Variants in TSHZ1 observed in about 807,000 individuals in gnomAD.
TSHZ1 encodes the protein teashirt zinc finger homeobox 1.
A neutral mutation model predicts 67.1 loss-of-function variants in TSHZ1; 12 were observed. The observed-to-expected ratio is 0.18, with a 90% CI of 0.11 to 0.29. The LOEUF is 0.29. Ranked by LOEUF, TSHZ1 falls within the 10% of genes least tolerant of loss-of-function variation. The pLI is 1.00. For synonymous variants in TSHZ1, 632 were observed against 622.4 expected (o/e 1.02, Z -0.23); for missense variants, 1,305 against 1,413.9 (o/e 0.92, Z 1.23).
chr18:75,213,047 A>G (rs905420805), intron 1 of TSHZ1, among the ~76,000 whole-genome samples: 1 of 152,266 alleles, frequency 6.6e-6, no homozygotes, highest in African/African-American at 2.4e-5. Context: ...CTGTTGCAGT[A>G]CAGAATAGAA....
In TSHZ1 at chr18:75,286,410, G is replaced by T. The variant is rs1261433402; in HGVS notation, c.1003G>T (p.Val335Leu). 6.2e-7 allele frequency: 1 copy of T among 1,614,044 alleles called. No homozygotes were observed. The highest frequency in any genetic ancestry group is 8.5e-7 in the Non-Finnish European group (1 of 1,180,040). Residue 335 changes from valine to leucine, a missense_variant, in exon 2 of 2, where the codon GTG becomes TTG. By Grantham distance (32) the Val-to-Leu change is conservative (BLOSUM62 1). Around this residue, in one of 3 missense-constraint regions of TSHZ1, gnomAD observed 38 missense variants for 76.5 expected, o/e 0.50. Transcript: ENST00000580243. This position sits in a 1 kb window ranked among gnomAD's most constrained non-coding sequence, Gnocchi z 5.1. ...HMIKTKHYQK[V>L]PLKEPVPAIT... ...GATCAAAACCAAGCATTACCAGAAA[G>T]TGCCTCTGAAGGAGCCAGTGCCAGC...
intron 1 of TSHZ1, among the ~76,000 whole-genome samples, chr18:75,265,715 T>A (rs1045062789): frequency 2.0e-5 from 3 of 152,220 alleles, no homozygotes; most frequent in African/African-American, 7.2e-5. Context: ...CTCCCCCATC[T>A]CATTCCCTCT....
chr18:75,263,883 A>G (rs1453161850), intron 1 of TSHZ1, among the ~76,000 whole-genome samples: 2 of 152,250 alleles, frequency 1.3e-5, no homozygotes, highest in Non-Finnish European at 2.9e-5. Flanking sequence ...CTGTTGATTT[A>G]TACCATGATG....
chr18:75,271,201 A>G (rs2023552576), intron 1 of TSHZ1, among the ~76,000 whole-genome samples: 1 of 152,130 alleles, frequency 6.6e-6, no homozygotes, highest in Admixed American at 6.5e-5. Context: ...ATAGGAGAAA[A>G]TATCCTTAGA....
At position 75,287,511 on chromosome 18, in the gene TSHZ1, G is replaced by A. The variant is rs751601396; in HGVS notation, c.2104G>A (p.Ala702Thr). Reference protein sequence around the residue: ...KKGPEAETGKAKKEGPLDVHT... With the variant: ...KKGPEAETGKTKKEGPLDVHT... ...GGGCCCTGAGGCCGAGACTGGGAAGGCCAAAAAGGAGGGACCGCTGGACGT... is the reference window on the plus strand; with the variant it reads ...GGGCCCTGAGGCCGAGACTGGGAAGACCAAAAAGGAGGGACCGCTGGACGT... The change falls in exon 2 of 2, where the codon GCC (alanine) becomes ACC (threonine). Residue 702 changes from alanine to threonine, a missense_variant. By Grantham distance (58) the Ala-to-Thr change is moderately conservative. Around this residue, in one of 3 missense-constraint regions of TSHZ1, gnomAD observed 909 missense variants for 961.8 expected, o/e 0.95. Transcript: ENST00000580243. The surrounding 1 kb of genome is among the most constrained non-coding windows in gnomAD (Gnocchi z 5.0). 1.9e-6 allele frequency: 3 copies of A among 1,614,214 alleles called. No individual in the cohort carries two copies. Among genetic ancestry groups the A allele is most frequent in the Admixed American group, 3.3e-5 (2 of 60,036 alleles).
At chr18:75,268,389 A>G (rs990263954) in intron 1 of TSHZ1, among the ~76,000 whole-genome samples, 1 of 152,228 alleles carries the variant, frequency 6.6e-6, no homozygotes, top group Non-Finnish European at 1.5e-5. Flanking sequence ...GACTTCTCCA[A>G]GTTTCTGCCA....
intron 1 of TSHZ1, among the ~76,000 whole-genome samples, chr18:75,247,762 GAGA>G (rs905740480): frequency 6.6e-5 from 10 of 152,102 alleles, no homozygotes; most frequent in African/African-American, 1.4e-4. Context: ...ACCCACAGCA[GAGA>G]AGCACAGCTT....
chr18:75,250,761 A>G (rs1281295803), intron 1 of TSHZ1, among the ~76,000 whole-genome samples: 6 of 152,226 alleles, frequency 3.9e-5, no homozygotes, highest in Non-Finnish European at 7.3e-5. Context: ...GCCACAGGTC[A>G]CCCAGAGCGG....
intron 1 of TSHZ1, among the ~76,000 whole-genome samples, chr18:75,277,792 A>C (rs1368992059): frequency 6.6e-6 from 1 of 152,186 alleles, no homozygotes; most frequent in African/African-American, 2.4e-5. Flanking sequence ...AGACCGCAGC[A>C]GCTGACAAGC....
intron 1 of TSHZ1, among the ~76,000 whole-genome samples, chr18:75,268,369 C>T (rs1004036255): frequency 1.3e-5 from 2 of 152,190 alleles, no homozygotes; most frequent in East Asian, 1.9e-4. Context: ...GCCAGAGTGT[C>T]GCTTTATGAG....
At chr18:75,219,830 C>A (rs937984577) in intron 1 of TSHZ1, among the ~76,000 whole-genome samples, 1 of 152,242 alleles carries the variant, frequency 6.6e-6, no homozygotes, top group Non-Finnish European at 1.5e-5. Flanking sequence ...GTACTTTGTA[C>A]TGCCTGCTGG....
intron 1 of TSHZ1, among the ~76,000 whole-genome samples, chr18:75,222,120 C>T (rs183393411): frequency 4.4e-4 from 67 of 152,064 alleles, no homozygotes; most frequent in Middle Eastern, 3.4e-3. Context: ...AAGGAAGCCG[C>T]GCACAAAGGT....
intron 1 of TSHZ1, among the ~76,000 whole-genome samples, chr18:75,233,365 C>T (rs1159498694): frequency 1.3e-5 from 2 of 152,058 alleles, no homozygotes; most frequent in Non-Finnish European, 2.9e-5. Flanking sequence ...TGAAAACTTC[C>T]CCTAACAACG....
intron 1 of TSHZ1, among the ~76,000 whole-genome samples, chr18:75,237,603 T>C (rs934464998): frequency 6.6e-5 from 10 of 152,088 alleles, no homozygotes; most frequent in African/African-American, 2.2e-4. Flanking sequence ...GGCAAACATA[T>C]ATGTACACAC....
chr18:75,220,581 G>A (rs1325930660), intron 1 of TSHZ1, among the ~76,000 whole-genome samples: 1 of 152,222 alleles, frequency 6.6e-6, no homozygotes, highest in Non-Finnish European at 1.5e-5. Flanking sequence ...GGGTTAAACT[G>A]TTTATAGATT....
intron 1 of TSHZ1, among the ~76,000 whole-genome samples, chr18:75,278,391 C>T (rs2023641388): frequency 6.6e-6 from 1 of 152,182 alleles, no homozygotes; most frequent in Non-Finnish European, 1.5e-5. Flanking sequence ...TTTGGAGGCA[C>T]CTGGGTTCTG....
chr18:75,277,838 G>C (rs562892588), intron 1 of TSHZ1, among the ~76,000 whole-genome samples: 121 of 152,318 alleles, frequency 7.9e-4, no homozygotes, highest in African/African-American at 2.7e-3. Flanking sequence ...TGATGATTCT[G>C]TCATTGCCAT....
intron 1 of TSHZ1, among the ~76,000 whole-genome samples, chr18:75,217,184 G>C (rs1161995295): frequency 6.6e-6 from 1 of 152,228 alleles, no homozygotes; most frequent in East Asian, 1.9e-4. Flanking sequence ...GCAGAGGGCT[G>C]CTTGGTTCTT....
intron 1 of TSHZ1, among the ~76,000 whole-genome samples, chr18:75,269,839 C>A (rs1192280943): frequency 6.6e-6 from 1 of 152,130 alleles, no homozygotes; most frequent in Admixed American, 6.5e-5. Flanking sequence ...CAGCAGCCAC[C>A]GTTCTACCTT....
Sources: allele counts gnomAD v4.1 joint callset (sites outside exome capture counted in the v4.1 genomes callset), GRCh38; gene constraint gnomAD v4.1.1; regional missense constraint gnomAD v4.1.1; non-coding constraint Gnocchi (gnomAD v3.1); transcripts MANE v1.5; gene names NCBI Gene and HGNC (gene_info 2026-07-23, HGNC 2026-07-21).